CD226: variants seen among roughly 807,000 people sequenced by gnomAD.
The protein encoded by CD226 is CD226 antigen.
A neutral mutation model predicts 34.9 loss-of-function variants in CD226; 24 were observed. The ratio of observed to expected loss-of-function variants is 0.69; its 90% CI spans 0.50 to 0.97. The LOEUF (loss-of-function observed/expected upper bound fraction) is 0.97. Among genes scored for constraint, CD226 ranks in the 50% least tolerant of loss-of-function variants. CD226 has a pLI of 0.00. For missense variants in CD226, 397 were observed against 412.7 expected, an observed-to-expected ratio of 0.96 and a Z score of 0.33; for synonymous variants, 148 against 147.4, an observed-to-expected ratio of 1.00 and a Z score of -0.03.
chr18:69,907,819 GC>G (rs1414294913), intron 2 of CD226, among the ~76,000 whole-genome samples: 3 of 151,970 alleles, frequency 2.0e-5, no homozygotes. Flanking sequence ...AGAGAGTATT[GC>G]CCATTTCAAA....
At chr18:69,951,302 G>A (rs536584639), upstream of CD226, among the ~76,000 whole-genome samples, 1 of 152,158 alleles carries the variant, frequency 6.6e-6, no homozygotes, top group African/African-American at 2.4e-5. Flanking sequence ...GATTTGAGGG[G>A]TCAGAGAAGC....
rs547306146 is a variant in CD226, at chr18:69,859,714, C to T, written c.*4600G>A. On this transcript the variant is annotated 3_prime_UTR_variant, in exon 6 of 6. Coordinates refer to ENST00000582621, the MANE Select transcript of CD226 (RefSeq NM_001303618.2). ...AGGGACTACTATGTTTCGGGAAAAACAAAAACAAACAAACAAAAAACCTGT... is the reference window on the plus strand; with the variant it reads ...AGGGACTACTATGTTTCGGGAAAAATAAAAACAAACAAACAAAAAACCTGT... 6.6e-6 allele frequency: 1 copy of T among 151,948 alleles called. No individual in the cohort carries two copies. Among genetic ancestry groups the T allele is most frequent in the South Asian group, 2.1e-4 (1 of 4,816 alleles). 9.4% of individuals were successfully genotyped at this position (151,948 alleles called of 1,614,324 possible).
At chr18:69,883,036 T>C (rs1157447579) in intron 3 of CD226, among the ~76,000 whole-genome samples, 3 of 152,220 alleles carry the variant, frequency 2.0e-5, no homozygotes, top group Admixed American at 6.5e-5. Flanking sequence ...TTTAGCTTTA[T>C]TTCTAGTGCT....
Position 69,873,129 on chromosome 18 carries a change from A to G in CD226, c.830+15T>C, listed in dbSNP as rs769013381. On this transcript the variant is annotated intron_variant, in intron 4 of 5. Coordinates refer to ENST00000582621, the MANE Select transcript of CD226 (RefSeq NM_001303618.2). ...AACATGGTGAATAAGATTCAGCATA[A>G]GTTGCACTACTCACCTGTTAAGGAA... The G allele has an allele frequency of 3.8e-6, 5 of 1,319,702 alleles. No homozygotes were observed. The South Asian group carries it at 4.7e-5, about 12-fold the overall frequency. 81.7% of individuals were successfully genotyped at this position (1,319,702 alleles called of 1,614,324 possible).
At chr18:69,960,352 A>G (rs1373426438), upstream of CD226, among the ~76,000 whole-genome samples, 1 of 152,212 alleles carries the variant, frequency 6.6e-6, no homozygotes, top group Non-Finnish European at 1.5e-5. Context: ...TGAACATAGA[A>G]AGCAGGAGCT....
intron 2 of CD226, among the ~76,000 whole-genome samples, chr18:69,927,919 G>A (rs1003387101): frequency 6.6e-6 from 1 of 152,084 alleles, no homozygotes; most frequent in Non-Finnish European, 1.5e-5. Flanking sequence ...CACATAATAT[G>A]TTTACAAATA....
upstream of CD226, chr18:69,957,121 C>G (rs1318140573): frequency 6.6e-6 from 1 of 152,158 alleles, no homozygotes; most frequent in Admixed American, 6.5e-5. Context: ...AAGTTCTGTC[C>G]CTCTTTTCCC....
chr18:69,903,992 C>T (rs1359668682), intron 2 of CD226, among the ~76,000 whole-genome samples: 3 of 152,110 alleles, frequency 2.0e-5, no homozygotes, highest in Non-Finnish European at 4.4e-5. Flanking sequence ...CTGAGAAAAT[C>T]GGCCGTCTTC....
intron 2 of CD226, among the ~76,000 whole-genome samples, chr18:69,946,219 G>GAAAGAAAGACAGGAAAGAAAGGAAAGA (rs1483509633): frequency 9.1e-6 from 1 of 109,596 alleles, no homozygotes; most frequent in African/African-American, 3.5e-5. Flanking sequence ...GAAGGAAGAA[G>GAAAGAAAGACAGGAAAGAAAGGAAAGA]AAAGAAAGAC....
chr18:69,944,334 A>G (rs1048887160), intron 2 of CD226: 1 of 152,204 alleles, frequency 6.6e-6, no homozygotes. Flanking sequence ...CTGAAAACTG[A>G]CTGAAAATCT....
intron 5 of CD226, among the ~76,000 whole-genome samples, chr18:69,865,124 G>C (rs1372773479): frequency 6.6e-6 from 1 of 152,010 alleles, no homozygotes; most frequent in Non-Finnish European, 1.5e-5. Context: ...CGAGTAGCTG[G>C]GATTACAGGC....
chr18:69,906,955 C>A lies in CD226; in HGVS notation c.383-10910G>T, dbSNP rs80122377. Among the ~76,000 whole-genome samples the A allele has an allele frequency of 4.6e-3, 697 of 152,206 alleles. 6 individuals are homozygous for A. The highest frequency in any genetic ancestry group is 0.016 in the African/African-American group (661 of 41,522). ...CTCCCCTAACAGCCAGCACCTGCCC[C>A]GCTAGGTTGGAGCACTGCCCAGGGT... On this transcript the variant is annotated intron_variant, in intron 2 of 5. Coordinates refer to ENST00000582621, the MANE Select transcript of CD226 (RefSeq NM_001303618.2).
chr18:69,925,856 T>C (rs1179994452), intron 2 of CD226, among the ~76,000 whole-genome samples: 1 of 152,100 alleles, frequency 6.6e-6, no homozygotes, highest in Non-Finnish European at 1.5e-5. Flanking sequence ...TAGAATCACT[T>C]AGCAGGCTGG....
Position 69,859,255 on chromosome 18 carries a change from G to A in CD226, c.*5059C>T, listed in dbSNP as rs1982706075. On this transcript the variant is annotated 3_prime_UTR_variant, in exon 6 of 6. Transcript: ENST00000582621. ...CAAGCTTCTAATGGAGTCTTTCTAA[G>A]GAAGTTGACGTTGGTAGAATTCCTG... 6.6e-6 allele frequency: 1 copy of A among 152,078 alleles called. No individual in the cohort carries two copies. The highest frequency in any genetic ancestry group is 2.1e-4 in the South Asian group (1 of 4,818). The allele number at this position is 152,078 out of a possible 1,614,324, so 9.4% of individuals were successfully genotyped here.
chr18:69,874,296 C>T (rs768558581), intron 3 of CD226, among the ~76,000 whole-genome samples: 2 of 152,170 alleles, frequency 1.3e-5, no homozygotes, highest in Non-Finnish European at 2.9e-5. Flanking sequence ...CCAGTGAGGT[C>T]AGAGAACATT....
rs189765636 is a variant in CD226, at chr18:69,870,054, G to A, written c.831-2643C>T. 1.4e-3 allele frequency among the ~76,000 whole-genome samples: 217 copies of A among 150,928 alleles called. 2 individuals are homozygous for A. Among genetic ancestry groups the A allele is most frequent in the South Asian group, 7.8e-3 (37 of 4,760 alleles). ...CCTGACCTCATGATCTGCCCACCTC[G>A]GCCTCCCAAAGTGCTGGGATTACAG... On this transcript the variant is annotated intron_variant, in intron 4 of 5. Transcript: ENST00000582621.
intron 3 of CD226, among the ~76,000 whole-genome samples, chr18:69,875,996 G>C (rs1983842087): frequency 6.6e-6 from 1 of 152,096 alleles, no homozygotes; most frequent in Non-Finnish European, 1.5e-5. Flanking sequence ...GGTGATACAT[G>C]AGTTAATTAA....
rs535891071 is a variant in CD226, at chr18:69,912,485, G to A, written c.383-16440C>T. Among the ~76,000 whole-genome samples, 7 of 152,226 alleles carry A rather than the reference G, an allele frequency of 4.6e-5. No homozygotes were observed. The East Asian group carries it at 1.2e-3, about 25-fold the overall frequency. Reference sequence around the variant, plus strand: ...CTTTTCCTTCCTGAGTTCTGAGAAAGGGTATACAAAGCTCTGTACATTTTG... The same window carrying A: ...CTTTTCCTTCCTGAGTTCTGAGAAAAGGTATACAAAGCTCTGTACATTTTG... On this transcript the variant is annotated intron_variant, in intron 2 of 5. Coordinates refer to ENST00000582621, the MANE Select transcript of CD226 (RefSeq NM_001303618.2).
chr18:69,876,875 T>G (rs1983900627), intron 3 of CD226, among the ~76,000 whole-genome samples: 1 of 146,100 alleles, frequency 6.8e-6, no homozygotes, highest in Non-Finnish European at 1.5e-5. Context: ...TTTTTTTTTT[T>G]TTTTTTGAGA....
Sources: gnomAD v4.1 joint callset for allele counts (sites outside exome capture counted in the v4.1 genomes callset) on GRCh38, gnomAD v4.1.1 for gene constraint, MANE v1.5 for transcripts, NCBI Gene and HGNC (gene_info 2026-07-23, HGNC 2026-07-21) for gene names.